Variants in CUX1 observed in about 807,000 individuals in gnomAD.
The protein encoded by CUX1 is cut like homeobox 1, also known as protein CASP.
Under a neutral mutation model 158.8 loss-of-function variants are expected in CUX1, and 31 were observed. The observed-to-expected ratio is 0.20, with a 90% CI of 0.15 to 0.26. The LOEUF (loss-of-function observed/expected upper bound fraction) is 0.26. Ranked by LOEUF, CUX1 falls within the 10% of genes least tolerant of loss-of-function variation. CUX1 has a pLI of 1.00. For missense variants in CUX1, 1,589 were observed against 2,014.6 expected, an observed-to-expected ratio of 0.79 and a Z score of 4.04; for synonymous variants, 879 against 862.1, an observed-to-expected ratio of 1.02 and a Z score of -0.34.
intron 2 of CUX1, among the ~76,000 whole-genome samples, chr7:102,000,396 A>G (rs1816545747): frequency 1.3e-5 from 2 of 152,210 alleles, no homozygotes; most frequent in Non-Finnish European, 2.9e-5. Context: ...TGTTTTCCCA[A>G]GTGCATGCGT....
At chr7:101,832,872 A>G (rs1039290783) in intron 1 of CUX1, among the ~76,000 whole-genome samples, 2 of 151,990 alleles carry the variant, frequency 1.3e-5, no homozygotes, top group Non-Finnish European at 1.5e-5. Flanking sequence ...TCTGGTCCCC[A>G]TCTTACCAGG....
intron 2 of CUX1, among the ~76,000 whole-genome samples, chr7:102,017,556 A>G (rs1436564199): frequency 6.6e-6 from 1 of 152,114 alleles, no homozygotes; most frequent in East Asian, 1.9e-4. Flanking sequence ...AAATTAAAAT[A>G]CAATATGTGG....
chr7:101,834,987 C>G (rs1277623610), intron 1 of CUX1, among the ~76,000 whole-genome samples: 1 of 144,092 alleles, frequency 6.9e-6, no homozygotes, highest in African/African-American at 2.7e-5. Flanking sequence ...CAGAGCGAGA[C>G]TCTGTGTCAT....
At chr7:102,185,050 GCT>G (rs1337793945) in intron 11 of CUX1, among the ~76,000 whole-genome samples, 1 of 152,192 alleles carries the variant, frequency 6.6e-6, no homozygotes, top group Non-Finnish European at 1.5e-5. Context: ...GGGCACATGT[GCT>G]CTTTCTCTGT....
intron 18 of CUX1, among the ~76,000 whole-genome samples, chr7:102,204,188 C>G (rs556342089): frequency 3.3e-5 from 5 of 152,320 alleles, no homozygotes; most frequent in African/African-American, 1.2e-4. Context: ...CCGAAAGTCC[C>G]CCTGTGCCGG....
chr7:101,948,697 T>C (rs1384939042), intron 2 of CUX1, among the ~76,000 whole-genome samples: 3 of 152,200 alleles, frequency 2.0e-5, no homozygotes, highest in African/African-American at 7.2e-5. Flanking sequence ...GAGTCTCTCT[T>C]CTCTGACATT....
At chr7:101,924,990 TC>T (rs1805417826) in intron 2 of CUX1, among the ~76,000 whole-genome samples, 1 of 152,186 alleles carries the variant, frequency 6.6e-6, no homozygotes, top group South Asian at 2.1e-4. Flanking sequence ...CTTGTTTTAC[TC>T]CTCATTAGAC....
chr7:102,183,948 A>C (rs571130716), intron 11 of CUX1, among the ~76,000 whole-genome samples: 1 of 152,092 alleles, frequency 6.6e-6, no homozygotes, highest in African/African-American at 2.4e-5. Flanking sequence ...CCCAGGCTGG[A>C]GTGCAGTGGC....
At chr7:102,117,397 CAA>C (rs10633602) in intron 8 of CUX1, among the ~76,000 whole-genome samples, 19 of 46,662 alleles carry the variant, frequency 4.1e-4, no homozygotes, top group African/African-American at 8.9e-4. Flanking sequence ...GACTCCATCG[CAA>C]AAAAAAAAAA....
intron 1 of CUX1, among the ~76,000 whole-genome samples, chr7:101,892,606 G>C (rs1323536726): frequency 6.6e-6 from 1 of 152,154 alleles, no homozygotes; most frequent in East Asian, 1.9e-4. Context: ...GAAAAATGTT[G>C]TTAAAATGTG....
At chr7:101,855,368 C>T (rs959016158) in intron 1 of CUX1, among the ~76,000 whole-genome samples, 3 of 152,166 alleles carry the variant, frequency 2.0e-5, no homozygotes, top group Non-Finnish European at 2.9e-5. Context: ...CCGTGTCCTC[C>T]GAGTGGTCTC....
chr7:102,172,993 A>G (rs1791899787), intron 10 of CUX1, among the ~76,000 whole-genome samples: 1 of 152,062 alleles, frequency 6.6e-6, no homozygotes, highest in Admixed American at 6.6e-5. Context: ...CCCAAGAGGC[A>G]GAGGCTGCAG....
intron 1 of CUX1, among the ~76,000 whole-genome samples, chr7:101,823,429 G>T (rs1278073325): frequency 6.6e-6 from 1 of 152,172 alleles, no homozygotes; most frequent in Non-Finnish European, 1.5e-5. Context: ...CCCAATAAGG[G>T]GTCCGAACCT....
intron 1 of CUX1, among the ~76,000 whole-genome samples, chr7:101,901,526 C>T (rs1413669801): frequency 1.3e-5 from 2 of 152,126 alleles, no homozygotes; most frequent in Non-Finnish European, 2.9e-5. Flanking sequence ...AACTCCTGAC[C>T]TCAGGTGATC....
rs955980657 is a variant in CUX1 at position 102,070,918 on chromosome 7, C to G, written c.268+501C>G. Among the ~76,000 whole-genome samples the G allele has an allele frequency of 4.9e-5, 7 of 144,100 alleles. 1 individual carries two copies. The highest frequency in any genetic ancestry group is 7.1e-5 in the Admixed American group (1 of 14,016). 94.5% of individuals were successfully genotyped at this position (144,100 alleles called of 152,430 possible). A position where few individuals can be genotyped will look rare whatever the true frequency, so the allele number is the denominator to read the frequency against. On this transcript the variant is annotated intron_variant, in intron 4 of 23. Coordinates refer to ENST00000292535, the MANE Select transcript of CUX1 (RefSeq NM_181552.4). Reference sequence around the variant, plus strand: ...AACTGATAATCCTTGCAGCTACAACCAAGTATATCAGTTGTTTCTTTTATT... The same window carrying G: ...AACTGATAATCCTTGCAGCTACAACGAAGTATATCAGTTGTTTCTTTTATT...
At position 102,201,348 on chromosome 7, in the gene CUX1, T is replaced by A; in HGVS notation, c.2063-12T>A. The A allele has an allele frequency of 2.5e-6, 4 of 1,609,182 alleles. No homozygotes were observed. Among genetic ancestry groups the A allele is most frequent in the Non-Finnish European group, 3.4e-6 (4 of 1,176,908 alleles). ...CGCCCTGCCACACTCTCACCCCTGT[T>A]TCTCCATGCAGCAGAGCCGGCCCAG... On this transcript the variant is annotated splice_polypyrimidine_tract_variant and intron_variant, in intron 17 of 23. Coordinates refer to ENST00000292535, the MANE Select transcript of CUX1 (RefSeq NM_181552.4). The surrounding 1 kb of genome is among the most constrained non-coding windows in gnomAD (Gnocchi z 5.0).
At position 102,252,700 on chromosome 7, in the gene CUX1, C is replaced by T; in HGVS notation, c.*3658C>T. ...CTGTCCTAGACCTGTGCCCAACTCA[C>T]TTCCACCCCAGAGGAGTCTTCTGTC... On this transcript the variant is annotated 3_prime_UTR_variant, in exon 24 of 24. Transcript: ENST00000292535. The T allele has an allele frequency of 1.0e-6, 1 of 985,456 alleles. No homozygotes were observed. The highest frequency in any genetic ancestry group is 1.2e-6 in the Non-Finnish European group (1 of 829,950). 61.0% of individuals were successfully genotyped at this position (985,456 alleles called of 1,614,324 possible).
chr7:101,921,443 T>TTA (rs1804926383), intron 2 of CUX1, among the ~76,000 whole-genome samples: 1 of 149,612 alleles, frequency 6.7e-6, no homozygotes, highest in African/African-American at 2.5e-5. Context: ...TATTTTATTT[T>TTA]ATTTATTTAT....
At chr7:102,221,046 C>T (rs557149533) in intron 20 of CUX1, among the ~76,000 whole-genome samples, 1 of 152,198 alleles carries the variant, frequency 6.6e-6, no homozygotes, top group South Asian at 2.1e-4. Context: ...CAGGCCACGA[C>T]CACCTCCCCT....
Sources: allele counts gnomAD v4.1 joint callset (sites outside exome capture counted in the v4.1 genomes callset), GRCh38; gene constraint gnomAD v4.1.1; non-coding constraint Gnocchi (gnomAD v3.1); transcripts MANE v1.5; gene names NCBI Gene and HGNC (gene_info 2026-07-23, HGNC 2026-07-21).